The following PPP1R26 variants were observed in gnomAD, a reference collection of about 807,000 sequenced individuals.
PPP1R26 encodes 1A6/DRIM (down-regulated in metastasis) interacting protein.
In PPP1R26, 22 loss-of-function variants were observed where a neutral mutation model predicts 67.6. The observed-to-expected ratio is 0.33, with a 90% CI of 0.23 to 0.46. The LOEUF (loss-of-function observed/expected upper bound fraction) is 0.46. Ranked by LOEUF, PPP1R26 falls within the 20% of genes least tolerant of loss-of-function variation. The pLI is 1.00. For missense variants in PPP1R26, 1,602 were observed against 1,651.4 expected, an observed-to-expected ratio of 0.97 and a Z score of 0.52; for synonymous variants, 729 against 717.2, an observed-to-expected ratio of 1.02 and a Z score of -0.26.
Position 135,486,820 on chromosome 9 carries a change from C to CT in PPP1R26, c.2310_2311insT (p.Ser771Ter). 1 of 1,609,118 alleles carries CT rather than the reference C, an allele frequency of 6.2e-7. No homozygotes were observed. On this transcript the variant is annotated frameshift_variant, in exon 4 of 4. Transcript: ENST00000356818. LOFTEE classifies it high-confidence loss of function. The surrounding 1 kb of genome is among the most constrained non-coding windows in gnomAD (Gnocchi z 6.2). ...GCGAGGGTCCTGGGAAGAAACCCCC[C>CT]AGTGTCTTTGGCAGCACGGCAGAGA...
Position 135,484,694 on chromosome 9 carries a change from G to T in PPP1R26, c.184G>T (p.Gly62Cys). 6.2e-7 allele frequency: 1 copy of T among 1,610,082 alleles called. No individual in the cohort carries two copies. The highest frequency in any genetic ancestry group is 8.5e-7 in the Non-Finnish European group (1 of 1,179,426). ...STLQRDGAAR[G>C]TSDERAAQRG... The stretch of plus-strand genomic sequence containing the variant: ...TCTGCAGCGCGACGGGGCTGCTCGG[G>T]GCACCAGCGATGAGCGCGCCGCACA... The change falls in exon 4 of 4, where the codon GGC becomes TGC. Residue 62 changes from glycine to cysteine, a missense_variant. Physicochemically the swap from Gly to Cys is radical, Grantham distance 159 (BLOSUM62 -3). Around this residue, in one of 5 missense-constraint regions of PPP1R26, gnomAD observed 168 missense variants for 176.1 expected, o/e 0.95. Coordinates refer to ENST00000356818, the MANE Select transcript of PPP1R26 (RefSeq NM_014811.5).
In PPP1R26 at chr9:135,487,431, A is replaced by C; in HGVS notation, c.2921A>C (p.Lys974Thr). The C allele has an allele frequency of 6.2e-7, 1 of 1,606,512 alleles. No homozygotes were observed. The highest frequency in any genetic ancestry group is 1.1e-5 in the South Asian group (1 of 90,598). Residue 974 changes from lysine to threonine, a missense_variant, in exon 4 of 4, where the codon AAA becomes ACA. Lys to Thr is a moderately conservative substitution (Grantham distance 78). This residue lies in a region of PPP1R26 where 740 missense variants were observed against 696.3 expected (regional missense o/e 1.06). Transcript: ENST00000356818. ...QSPRGAEPAA[K>T]SAFGQLPSCA... The stretch of plus-strand genomic sequence containing the variant: ...CCACGAGGGGCTGAGCCTGCTGCCA[A>C]AAGTGCTTTTGGTCAGCTGCCCAGC...
In PPP1R26 at chr9:135,488,203, CGTGT is replaced by C; in HGVS notation, c.*69_*72del. 6.8e-7 allele frequency: 1 copy of C among 1,466,908 alleles called. No homozygotes were observed. The highest frequency in any genetic ancestry group is 9.0e-7 in the Non-Finnish European group (1 of 1,110,720). 90.9% of individuals were successfully genotyped at this position (1,466,908 alleles called of 1,614,324 possible). A position where few individuals can be genotyped will look rare whatever the true frequency, so the allele number is the denominator to read the frequency against. ...ATTCGTGGAAAGCGGCGTAGCCGTG[CGTGT>C]GTGTGATGGTTCCGTGGCTGCAAGG... On this transcript the variant is annotated 3_prime_UTR_variant, in exon 4 of 4. Transcript: ENST00000356818.
Position 135,487,764 on chromosome 9 carries a change from A to G in PPP1R26, c.3254A>G (p.Gln1085Arg). ...LAGFSPLLST[Q>R]LFHFGKGVSW... ...GGCTTCTCGCCGCTGCTGTCCACCC[A>G]GCTCTTCCACTTTGGAAAGGGTGTC... The change falls in exon 4 of 4, where the codon CAG becomes CGG. Residue 1085 changes from glutamine to arginine, a missense_variant. Physicochemically the swap from Gln to Arg is conservative, Grantham distance 43 (BLOSUM62 1). Transcript: ENST00000356818. 6.7e-7 allele frequency: 1 copy of G among 1,500,072 alleles called. No homozygotes were observed. Among genetic ancestry groups the G allele is most frequent in the Non-Finnish European group, 8.9e-7 (1 of 1,127,434 alleles). 92.9% of individuals were successfully genotyped at this position (1,500,072 alleles called of 1,614,324 possible).
At position 135,485,491 on chromosome 9, in the gene PPP1R26, T is replaced by C. The variant is rs538582352; in HGVS notation, c.981T>C (p.Pro327=). 1.7e-5 allele frequency: 28 copies of C among 1,613,006 alleles called. No individual in the cohort carries two copies. In the Middle Eastern group the frequency reaches 8.2e-4, roughly 48 times the overall value. ...GSTKPATPCR[P]SEAAQNKGGI... Reference sequence around the variant, plus strand: ...CGAAGCCGGCAACCCCCTGCCGCCCTTCAGAAGCAGCACAGAATAAAGGTG... The same window carrying C: ...CGAAGCCGGCAACCCCCTGCCGCCCCTCAGAAGCAGCACAGAATAAAGGTG... The change falls in exon 4 of 4, where the codon CCT becomes CCC. Residue 327 remains proline (P), a synonymous_variant. Transcript: ENST00000356818. The surrounding 1 kb of genome is among the most constrained non-coding windows in gnomAD (Gnocchi z 7.2).
At position 135,488,774 on chromosome 9, in the gene PPP1R26, C is replaced by T. The variant is rs1830861712; in HGVS notation, c.*634C>T. ...GGCTACTCCCTGTTGCATGTCAAAT[C>T]CACACAGATGTCAGCGGCAGCTGCT... is the stretch of plus-strand genomic sequence containing the variant. On this transcript the variant is annotated 3_prime_UTR_variant, in exon 4 of 4. Coordinates refer to ENST00000356818, the MANE Select transcript of PPP1R26 (RefSeq NM_014811.5). The T allele has an allele frequency of 6.0e-6, 1 of 167,106 alleles. No individual in the cohort carries two copies. Among genetic ancestry groups the T allele is most frequent in the Non-Finnish European group, 1.5e-5 (1 of 68,132 alleles). The allele number at this position is 167,106 out of a possible 1,614,324, so 10.4% of individuals were successfully genotyped here. A position where few individuals can be genotyped will look rare whatever the true frequency, so the allele number is the denominator to read the frequency against.
rs1443510882 is a variant in PPP1R26, at chr9:135,485,079, T to C, written c.569T>C (p.Leu190Pro). The C allele has an allele frequency of 1.2e-6, 2 of 1,610,978 alleles. No individual in the cohort carries two copies. Among genetic ancestry groups the C allele is most frequent in the Middle Eastern group, 1.7e-4 (1 of 6,020 alleles). ...SAPTALCPPK[L>P]VPGSGGGPGS... is the part of the protein sequence containing the mutation. ...CCGACTGCCCTGTGTCCCCCAAAACTTGTACCTGGATCAGGTGGTGGCCCC... is the reference window on the plus strand; with the variant it reads ...CCGACTGCCCTGTGTCCCCCAAAACCTGTACCTGGATCAGGTGGTGGCCCC... The change falls in exon 4 of 4, where the codon CTT becomes CCT. Residue 190 changes from leucine to proline, a missense_variant. By Grantham distance (98) the Leu-to-Pro change is moderately conservative (BLOSUM62 -3). Around this residue, in one of 5 missense-constraint regions of PPP1R26, gnomAD observed 680 missense variants for 726.1 expected, o/e 0.94. Transcript: ENST00000356818. The surrounding 1 kb of genome is among the most constrained non-coding windows in gnomAD (Gnocchi z 7.2).
chr9:135,485,472 C>T lies in PPP1R26; in HGVS notation c.962C>T (p.Pro321Leu), dbSNP rs868766086. 9 of 1,612,890 alleles carry T rather than the reference C, an allele frequency of 5.6e-6. No individual in the cohort carries two copies. The highest frequency in any genetic ancestry group is 2.7e-5 in the African/African-American group (2 of 74,916). Reference sequence around the variant, plus strand: ...CAGGAGAACGAGGGCAGCACGAAGCCGGCAACCCCCTGCCGCCCTTCAGAA... The same window carrying T: ...CAGGAGAACGAGGGCAGCACGAAGCTGGCAACCCCCTGCCGCCCTTCAGAA... ...TTQENEGSTK[P>L]ATPCRPSEAA... is the part of the protein sequence containing the mutation. The change falls in exon 4 of 4, where the codon CCG (proline) becomes CTG (leucine). Residue 321 changes from proline (P) to leucine (L), a missense_variant. Coordinates refer to ENST00000356818, the MANE Select transcript of PPP1R26 (RefSeq NM_014811.5). This position sits in a 1 kb window ranked among gnomAD's most constrained non-coding sequence, Gnocchi z 7.2.
At position 135,487,177 on chromosome 9, in the gene PPP1R26, C is replaced by G. The variant is rs757289989; in HGVS notation, c.2667C>G (p.Cys889Trp). The G allele has an allele frequency of 6.2e-7, 1 of 1,607,906 alleles. No homozygotes were observed. The highest frequency in any genetic ancestry group is 8.5e-7 in the Non-Finnish European group (1 of 1,178,192). The change falls in exon 4 of 4, where the codon TGC (cysteine) becomes TGG (tryptophan). Residue 889 changes from cysteine to tryptophan, a missense_variant. Physicochemically the swap from Cys to Trp is radical, Grantham distance 215. Coordinates refer to ENST00000356818, the MANE Select transcript of PPP1R26 (RefSeq NM_014811.5). Reference sequence around the variant, plus strand: ...AGCCTGCCCCACCGCCTGGCGTGTGCACACGCAGCCAGAGGGCCAGGGGGG... The same window carrying G: ...AGCCTGCCCCACCGCCTGGCGTGTGGACACGCAGCCAGAGGGCCAGGGGGG... ...RKEPAPPPGV[C>W]TRSQRARGVP...
chr9:135,485,199 T>G lies in PPP1R26; in HGVS notation c.689T>G (p.Ile230Arg). The change falls in exon 4 of 4, where the codon ATA becomes AGA. Residue 230 changes from isoleucine to arginine, a missense_variant. Ile to Arg is a moderately conservative substitution (Grantham distance 97). Coordinates refer to ENST00000356818, the MANE Select transcript of PPP1R26 (RefSeq NM_014811.5). The surrounding 1 kb of genome is among the most constrained non-coding windows in gnomAD (Gnocchi z 7.2). Reference protein sequence around the residue: ...DSFEQSIRAEIEQFLNEKRQH... With the variant: ...DSFEQSIRAEREQFLNEKRQH... Reference sequence around the variant, plus strand: ...TTCGAGCAGAGCATCAGGGCGGAAATAGAACAGTTTCTGAATGAGAAGAGA... The same window carrying G: ...TTCGAGCAGAGCATCAGGGCGGAAAGAGAACAGTTTCTGAATGAGAAGAGA... 6.2e-7 allele frequency: 1 copy of G among 1,612,712 alleles called. No individual in the cohort carries two copies. The highest frequency in any genetic ancestry group is 8.5e-7 in the Non-Finnish European group (1 of 1,179,840).
Position 135,484,863 on chromosome 9 carries a change from C to A in PPP1R26, c.353C>A (p.Pro118Gln). 1 of 1,608,264 alleles carries A rather than the reference C, an allele frequency of 6.2e-7. No individual in the cohort carries two copies. The highest frequency in any genetic ancestry group is 8.5e-7 in the Non-Finnish European group (1 of 1,178,410). The change falls in exon 4 of 4, where the codon CCG (proline) becomes CAG (glutamine). Residue 118 changes from proline to glutamine, a missense_variant. Physicochemically the swap from Pro to Gln is moderately conservative, Grantham distance 76. Coordinates refer to ENST00000356818, the MANE Select transcript of PPP1R26 (RefSeq NM_014811.5). ...MGEEETTDFG[P>Q]LVLDSDSDDS... ...GAGGAGGAAACTACAGACTTTGGCCCGTTGGTGCTAGATTCAGACAGTGAT... is the reference window on the plus strand; with the variant it reads ...GAGGAGGAAACTACAGACTTTGGCCAGTTGGTGCTAGATTCAGACAGTGAT...
Position 135,486,238 on chromosome 9 carries a change from C to G in PPP1R26, c.1728C>G (p.Gly576=). 6.2e-7 allele frequency: 1 copy of G among 1,612,988 alleles called. No homozygotes were observed. Among genetic ancestry groups the G allele is most frequent in the African/African-American group, 1.3e-5 (1 of 75,064 alleles). ...LLPPGLNSQT[G]GHKTPLSKTP... is the part of the protein sequence containing the mutation. ...CGCCTGGCCTCAACAGCCAGACCGG[C>G]GGCCACAAGACCCCTCTCTCTAAAA... Residue 576 remains glycine (G), a synonymous_variant, in exon 4 of 4, where the codon GGC becomes GGG. Transcript: ENST00000356818. The surrounding 1 kb of genome is among the most constrained non-coding windows in gnomAD (Gnocchi z 6.2).
rs1157243937 is a variant in PPP1R26 at position 135,485,470 on chromosome 9, G to C, written c.960G>C (p.Lys320Asn). ...CGCAGGAGAACGAGGGCAGCACGAAGCCGGCAACCCCCTGCCGCCCTTCAG... is the reference window on the plus strand; with the variant it reads ...CGCAGGAGAACGAGGGCAGCACGAACCCGGCAACCCCCTGCCGCCCTTCAG... The part of the protein sequence containing the change: ...TTTQENEGST[K>N]PATPCRPSEA... Residue 320 changes from lysine to asparagine, a missense_variant, in exon 4 of 4, where the codon AAG becomes AAC. Transcript: ENST00000356818. This position sits in a 1 kb window ranked among gnomAD's most constrained non-coding sequence, Gnocchi z 7.2. The C allele has an allele frequency of 6.2e-7, 1 of 1,612,942 alleles. No homozygotes were observed. The highest frequency in any genetic ancestry group is 2.2e-5 in the East Asian group (1 of 44,884).
rs1830816325 is a variant in PPP1R26, at chr9:135,487,845, AGGG to A, written c.3336_3338del (p.Gln1112_Gly1113delinsHis). On this transcript the variant is annotated inframe_deletion, in exon 4 of 4. Coordinates refer to ENST00000356818, the MANE Select transcript of PPP1R26 (RefSeq NM_014811.5). ...AGCCCCCACCTGGGGCTGCCTCTGC[AGGG>A]CCCCTCCTTCTCGGCCTTCAGGGAG... The A allele has an allele frequency of 1.3e-6, 2 of 1,594,948 alleles. No homozygotes were observed. The highest frequency in any genetic ancestry group is 1.7e-6 in the Non-Finnish European group (2 of 1,172,640).
Position 135,484,600 on chromosome 9 carries a change from C to T in PPP1R26, c.90C>T (p.Cys30=). The T allele has an allele frequency of 6.2e-7, 1 of 1,612,664 alleles. No individual in the cohort carries two copies. The highest frequency in any genetic ancestry group is 8.5e-7 in the Non-Finnish European group (1 of 1,180,010). The part of the protein sequence containing the change: ...GPPGSCRFPR[C]FSEADEGVES... ...CAGGGAGCTGTAGGTTCCCCAGGTG[C>T]TTCTCGGAGGCTGACGAGGGCGTGG... Residue 30 remains cysteine (C), a synonymous_variant, in exon 4 of 4, where the codon TGC becomes TGT. Coordinates refer to ENST00000356818, the MANE Select transcript of PPP1R26 (RefSeq NM_014811.5).
At position 135,486,211 on chromosome 9, in the gene PPP1R26, G is replaced by T. The variant is rs1389006240; in HGVS notation, c.1701G>T (p.Leu567Phe). The T allele has an allele frequency of 1.2e-6, 2 of 1,612,984 alleles. No homozygotes were observed. The highest frequency in any genetic ancestry group is 1.7e-5 in the Admixed American group (1 of 60,024). ...CGCAGGCTGCCCAGGGTCCACTTTT[G>T]CCGCCTGGCCTCAACAGCCAGACCG... ...SCPQAAQGPLLPPGLNSQTGG... is the reference protein window; with the variant it reads ...SCPQAAQGPLFPPGLNSQTGG... Residue 567 changes from leucine (L) to phenylalanine (F), a missense_variant, in exon 4 of 4, where the codon TTG (leucine) becomes TTT (phenylalanine). Physicochemically the swap from Leu to Phe is conservative, Grantham distance 22. This residue lies in a region of PPP1R26 where 680 missense variants were observed against 726.1 expected (regional missense o/e 0.94). Coordinates refer to ENST00000356818, the MANE Select transcript of PPP1R26 (RefSeq NM_014811.5). The surrounding 1 kb of genome is among the most constrained non-coding windows in gnomAD (Gnocchi z 6.2).
In PPP1R26 at chr9:135,484,769, C is replaced by A; in HGVS notation, c.259C>A (p.Pro87Thr). 6.2e-7 allele frequency: 1 copy of A among 1,610,926 alleles called. No individual in the cohort carries two copies. Among genetic ancestry groups the A allele is most frequent in the Non-Finnish European group, 8.5e-7 (1 of 1,179,328 alleles). Residue 87 changes from proline (P) to threonine (T), a missense_variant, in exon 4 of 4, where the codon CCC becomes ACC. Physicochemically the swap from Pro to Thr is conservative, Grantham distance 38 (BLOSUM62 -1). Transcript: ENST00000356818. Reference sequence around the variant, plus strand: ...CCACGACGCCAGGCCGGCTGCCAAGCCCACCGTGCACAAGGAGCCACCCGC... The same window carrying A: ...CCACGACGCCAGGCCGGCTGCCAAGACCACCGTGCACAAGGAGCCACCCGC... ...GCHDARPAAK[P>T]TVHKEPPALA... is the part of the protein sequence containing the mutation.
chr9:135,479,476 G>A (rs1199908091), upstream of PPP1R26, among the ~76,000 whole-genome samples: 4 of 150,366 alleles, frequency 2.7e-5, no homozygotes, highest in East Asian at 7.8e-4. This position sits in a 1 kb window ranked among gnomAD's most constrained non-coding sequence, Gnocchi z 5.9. Flanking sequence ...CGGTACGGGA[G>A]GCGGGCAGCA....
intron 3 of PPP1R26, 147 bp from the exon 4 acceptor site, chr9:135,484,302 A>G: frequency 1.7e-6 from 1 of 579,328 alleles, no homozygotes; most frequent in Non-Finnish European, 3.0e-6. Flanking sequence ...AAGTCGTGCA[A>G]GGACACCCAG....
Sources: allele counts gnomAD v4.1 joint callset (sites outside exome capture counted in the v4.1 genomes callset), GRCh38; gene constraint gnomAD v4.1.1; regional missense constraint gnomAD v4.1.1; non-coding constraint Gnocchi (gnomAD v3.1); transcripts MANE v1.5; gene names NCBI Gene and HGNC (gene_info 2026-07-23, HGNC 2026-07-21).